ZNF620: variants seen among roughly 807,000 people sequenced by gnomAD.
ZNF620 encodes zinc finger protein 620.
ZNF620 carries 10 observed loss-of-function variants against 13.3 expected under a neutral mutation model. The ratio of observed to expected loss-of-function variants is 0.75; its 90% CI spans 0.46 to 1.28. The LOEUF (loss-of-function observed/expected upper bound fraction) is 1.28, where lower values mean the gene tolerates loss of function less well. ZNF620 is among the 50% of genes most tolerant of loss of function. The probability of loss-of-function intolerance (pLI) is 0.00; values close to 1 mark genes in which losing one functional copy is unlikely to be tolerated. For synonymous variants in ZNF620, 166 were observed against 177.6 expected, an observed-to-expected ratio of 0.93 and a Z score of 0.52; for missense variants, 461 against 500.2, an observed-to-expected ratio of 0.92 and a Z score of 0.75.
rs1382658830 is a variant in ZNF620 at position 40,512,458 on chromosome 3, TG to T, written c.212del (p.Gly71AlafsTer29). 6.2e-7 allele frequency: 1 copy of T among 1,614,246 alleles called. No homozygotes were observed. The highest frequency in any genetic ancestry group is 8.5e-7 in the Non-Finnish European group (1 of 1,180,038). On this transcript the variant is annotated frameshift_variant, in exon 4 of 5. Transcript: ENST00000314529. LOFTEE classifies it high-confidence loss of function. ...CCAGCTGGAGCAAGGGGAACTGCCATGGGGCCTCGATCCCTGGGAACCTATG... is the reference window on the plus strand; with the variant it reads ...CCAGCTGGAGCAAGGGGAACTGCCATGGGCCTCGATCCCTGGGAACCTATG... ...VSQLEQGELPWGLDPWEPMGR... is the reference protein window; with the variant it reads ...VSQLEQGELPXGLDPWEPMGR...
Position 40,506,373 on chromosome 3 carries a change from C to G in ZNF620, c.21C>G (p.Arg7=), listed in dbSNP as rs555247975. 6.2e-7 allele frequency: 1 copy of G among 1,613,934 alleles called. No individual in the cohort carries two copies. The highest frequency in any genetic ancestry group is 1.3e-5 in the African/African-American group (1 of 74,998). The change falls in exon 2 of 5, where the codon CGC becomes CGG. Residue 7 remains arginine, a synonymous_variant. Coordinates refer to ENST00000314529, the MANE Select transcript of ZNF620 (RefSeq NM_175888.4). MFQTAW[R]QEPVTFEDVA... ...CAGCCATGTTCCAGACCGCTTGGCG[C>G]CAGGTGAGTGAGCATCCTCTCCCTC...
intron 2 of ZNF620, chr3:40,508,591 A>G (rs376882842): frequency 1.6e-5 from 5 of 310,424 alleles, no homozygotes; most frequent in Non-Finnish European, 2.5e-5. Context: ...TGGACTGTCT[A>G]CCTATCTACA....
Position 40,517,635 on chromosome 3 carries a change from A to C in ZNF620, c.*772A>C, listed in dbSNP as rs1698433649. 6.6e-6 allele frequency: 1 copy of C among 152,212 alleles called. No homozygotes were observed. The highest frequency in any genetic ancestry group is 6.5e-5 in the Admixed American group (1 of 15,288). 9.4% of individuals were successfully genotyped at this position (152,212 alleles called of 1,614,324 possible). A position where few individuals can be genotyped will look rare whatever the true frequency, so the allele number is the denominator to read the frequency against. On this transcript the variant is annotated 3_prime_UTR_variant, in exon 5 of 5. Transcript: ENST00000314529. ...CAATGTGTATGCCTTCAGACTTCTC[A>C]TGGAAAATGTTTTCCCCTGCAATTC... is the stretch of plus-strand genomic sequence containing the variant.
Position 40,509,131 on chromosome 3 carries a change from A to G in ZNF620, c.25-2339A>G, listed in dbSNP as rs530734502. Among the ~76,000 whole-genome samples the G allele has an allele frequency of 1.2e-3, 190 of 152,270 alleles. 1 individual carries two copies. The highest frequency in any genetic ancestry group is 4.4e-3 in the African/African-American group (182 of 41,562). On this transcript the variant is annotated intron_variant, in intron 2 of 4. Coordinates refer to ENST00000314529, the MANE Select transcript of ZNF620 (RefSeq NM_175888.4). ...TAGATTATTTACATTTGATACCATT[A>G]TTGATATGGCTGGATCTGGGCCTGT...
intron 3 of ZNF620, among the ~76,000 whole-genome samples, 189 bp from the exon 4 acceptor site, chr3:40,512,213 C>A (rs1256043467): frequency 1.3e-5 from 2 of 152,170 alleles, no homozygotes; most frequent in Admixed American, 1.3e-4. Flanking sequence ...CTTATGTGAG[C>A]GTGGGATTAT....
In ZNF620 at chr3:40,510,148, G is replaced by A. The variant is rs187835364; in HGVS notation, c.25-1322G>A. ...GGTGATCCTCCCACCTCAGTCTCCCGAGTAGCTGGGAGCACCACCTTGCAT... is the reference window on the plus strand; with the variant it reads ...GGTGATCCTCCCACCTCAGTCTCCCAAGTAGCTGGGAGCACCACCTTGCAT... On this transcript the variant is annotated intron_variant, in intron 2 of 4. Coordinates refer to ENST00000314529, the MANE Select transcript of ZNF620 (RefSeq NM_175888.4). 2.0e-3 allele frequency among the ~76,000 whole-genome samples: 299 copies of A among 151,680 alleles called. 5 individuals carry two copies. Among genetic ancestry groups the A allele is most frequent in the Admixed American group, 0.016 (246 of 15,236 alleles).
chr3:40,517,426 TA>T lies in ZNF620; in HGVS notation c.*565del. On this transcript the variant is annotated 3_prime_UTR_variant, in exon 5 of 5. Transcript: ENST00000314529. ...AGCCAGGCATGGTGGCGCATGCCTG[TA>T]ATCCCAGCTACTAGAGAGGCTGAGG... The T allele has an allele frequency of 6.6e-6, 1 of 150,770 alleles. No homozygotes were observed. Among genetic ancestry groups the T allele is most frequent in the Non-Finnish European group, 1.5e-5 (1 of 67,890 alleles). 9.3% of individuals were successfully genotyped at this position (150,770 alleles called of 1,614,324 possible). A position where few individuals can be genotyped will look rare whatever the true frequency, so the allele number is the denominator to read the frequency against.
In ZNF620 at chr3:40,511,460, GT is replaced by G. The variant is rs765350461; in HGVS notation, c.25-8del. On this transcript the variant is annotated splice_polypyrimidine_tract_variant and intron_variant, in intron 2 of 4. Transcript: ENST00000314529. ...TCACACAGGGTTTGAGCAGGAACTTGTTGTTTTAGGAACCAGTGACCTTTGA... is the reference window on the plus strand; with the variant it reads ...TCACACAGGGTTTGAGCAGGAACTTGTGTTTTAGGAACCAGTGACCTTTGA... The G allele has an allele frequency of 1.2e-6, 2 of 1,612,174 alleles. No homozygotes were observed. The highest frequency in any genetic ancestry group is 1.3e-5 in the African/African-American group (1 of 74,944).
At chr3:40,512,300 G>C (rs1173395826) in intron 3 of ZNF620, 102 bp from the exon 4 acceptor site, 22 of 957,078 alleles carry the variant, frequency 2.3e-5, no homozygotes, top group Non-Finnish European at 3.6e-5. Flanking sequence ...GACTCACCTT[G>C]TCTCTCACTA....
At chr3:40,509,421 G>A (rs1206741895) in intron 2 of ZNF620, among the ~76,000 whole-genome samples, 1 of 151,928 alleles carries the variant, frequency 6.6e-6, no homozygotes, top group African/African-American at 2.4e-5. Context: ...TAGTAGAGAT[G>A]GAGTTTCATC....
In ZNF620 at chr3:40,511,645, C is replaced by A. The variant is rs1422265070; in HGVS notation, c.151+49C>A. 4 of 1,582,774 alleles carry A rather than the reference C, an allele frequency of 2.5e-6. No individual in the cohort carries two copies. The African/African-American group carries it at 4.1e-5, about 16-fold the overall frequency. On this transcript the variant is annotated intron_variant, in intron 3 of 4. Coordinates refer to ENST00000314529, the MANE Select transcript of ZNF620 (RefSeq NM_175888.4). ...GGCCTCTGCCCTTTAAGCATCCTGG[C>A]TTCTTTATTCCTTAGAACTTTGTGG...
At chr3:40,511,378 G>A (rs1698192540) in intron 2 of ZNF620, 92 bp from the exon 3 acceptor site, 1 of 1,516,558 alleles carries the variant, frequency 6.6e-7, no homozygotes, top group East Asian at 2.3e-5. Flanking sequence ...ACTGTCCTTG[G>A]CAATACCACT....
At chr3:40,511,249 C>T (rs1299935249) in intron 2 of ZNF620, among the ~76,000 whole-genome samples, 1 of 152,056 alleles carries the variant, frequency 6.6e-6, no homozygotes, top group African/African-American at 2.4e-5. Context: ...CAGAGATCAG[C>T]AGATGAAAAT....
chr3:40,517,077 T>C lies in ZNF620; in HGVS notation c.*214T>C. The C allele has an allele frequency of 2.2e-6, 1 of 455,614 alleles. No homozygotes were observed. The highest frequency in any genetic ancestry group is 3.7e-6 in the Non-Finnish European group (1 of 269,484). The allele number at this position is 455,614 out of a possible 1,614,324, so 28.2% of individuals were successfully genotyped here. The stretch of plus-strand genomic sequence containing the variant: ...ACAAACTTAGAAACATAAAAGGAAA[T>C]GTAAGTTTCCAGATTTAAAGGACAT... On this transcript the variant is annotated 3_prime_UTR_variant, in exon 5 of 5. Coordinates refer to ENST00000314529, the MANE Select transcript of ZNF620 (RefSeq NM_175888.4).
In ZNF620 at chr3:40,516,533, T is replaced by C. The variant is rs1269946999; in HGVS notation, c.939T>C (p.Cys313=). 6.2e-7 allele frequency: 1 copy of C among 1,614,158 alleles called. No homozygotes were observed. The highest frequency in any genetic ancestry group is 1.7e-5 in the Admixed American group (1 of 60,018). The part of the protein sequence containing the change: ...TGEKLYECNE[C]WKTFSCSSSF... ...AGAAGCTCTATGAATGTAACGAATG[T>C]TGGAAAACTTTCAGTTGCAGCTCAA... Residue 313 remains cysteine, a synonymous_variant, in exon 5 of 5, where the codon TGT becomes TGC. Coordinates refer to ENST00000314529, the MANE Select transcript of ZNF620 (RefSeq NM_175888.4).
intron 3 of ZNF620, 96 bp downstream of exon 3, chr3:40,511,692 T>A: frequency 6.6e-7 from 1 of 1,506,078 alleles, no homozygotes; most frequent in Middle Eastern, 1.9e-4. Flanking sequence ...TTTTTTCTTT[T>A]TTTTTTGAGA....
intron 2 of ZNF620, chr3:40,508,864 C>T (rs1698112953): frequency 4.5e-6 from 2 of 447,730 alleles, no homozygotes; most frequent in Admixed American, 2.4e-5. Flanking sequence ...GCCATCCTCC[C>T]GCCTCCACCT....
intron 4 of ZNF620, 23 bp downstream of exon 4, chr3:40,512,538 T>A (rs1698233729): frequency 1.3e-6 from 2 of 1,542,616 alleles, no homozygotes; most frequent in East Asian, 2.3e-5. Flanking sequence ...ACCCACTAGC[T>A]GCCTTTTTGG....
At chr3:40,511,423 G>A in intron 2 of ZNF620, 47 bp from the exon 3 acceptor site, 1 of 1,603,522 alleles carries the variant, frequency 6.2e-7, no homozygotes, top group East Asian at 2.2e-5. Flanking sequence ...TACTTAGCCT[G>A]ATCCTCTGCC....
Sources: gnomAD v4.1 joint callset for allele counts (sites outside exome capture counted in the v4.1 genomes callset) on GRCh38, gnomAD v4.1.1 for gene constraint, MANE v1.5 for transcripts, NCBI Gene and HGNC (gene_info 2026-07-23, HGNC 2026-07-21) for gene names.